The following CSMD1 variants were observed in gnomAD, a reference collection of about 807,000 sequenced individuals.
The protein encoded by CSMD1 is CUB and sushi domain-containing protein 1.
Under a neutral mutation model 417.5 loss-of-function variants are expected in CSMD1, and 213 were observed. The ratio of observed to expected loss-of-function variants is 0.51; its 90% CI spans 0.46 to 0.57. The LOEUF is 0.57. CSMD1 is among the 20% of genes least tolerant of loss of function. CSMD1 has a pLI of 0.00. For missense variants in CSMD1, 6,923 were observed against 4,529.7 expected, an observed-to-expected ratio of 1.53 and a Z score of -15.17; for synonymous variants, 2,862 against 1,736.8, an observed-to-expected ratio of 1.65 and a Z score of -16.11.
At position 4,807,938 on chromosome 8, in the gene CSMD1, A is replaced by G. The variant is rs189501415; in HGVS notation, c.86-170380T>C. On this transcript the variant is annotated intron_variant, in intron 1 of 69. Transcript: ENST00000635120. ...TCTTTCTACTGCTTTTCTAAATTCA[A>G]TAAAGCCCACCCTCAGTAGGAGTTC... is the stretch of plus-strand genomic sequence containing the variant. 2.0e-4 allele frequency among the ~76,000 whole-genome samples: 31 copies of G among 152,328 alleles called. No individual in the cohort carries two copies. In the South Asian group the frequency reaches 5.0e-3, roughly 24 times the overall value.
At chr8:4,174,559 A>C (rs1030438166) in intron 3 of CSMD1, among the ~76,000 whole-genome samples, 2 of 150,708 alleles carry the variant, frequency 1.3e-5, no homozygotes, top group African/African-American at 4.9e-5. Context: ...ATGTTTTTAT[A>C]AATACTGCAT....
intron 2 of CSMD1, among the ~76,000 whole-genome samples, chr8:4,562,372 G>A (rs1375411864): frequency 6.6e-6 from 1 of 152,130 alleles, no homozygotes. Flanking sequence ...GAGCCCAAAA[G>A]ACTGAGGCAT....
At chr8:4,219,540 C>T (rs995048202) in intron 3 of CSMD1, among the ~76,000 whole-genome samples, 20 of 122,226 alleles carry the variant, frequency 1.6e-4, no homozygotes, top group African/African-American at 6.0e-4. Context: ...GTGACTTAAA[C>T]ATTTATGCTT....
intron 3 of CSMD1, among the ~76,000 whole-genome samples, chr8:4,376,584 TTGAG>T (rs1476958387): frequency 6.6e-6 from 1 of 151,872 alleles, no homozygotes; most frequent in Non-Finnish European, 1.5e-5. Flanking sequence ...TGTTACAACA[TTGAG>T]TTAGTCTGAC....
At chr8:4,410,810 G>A (rs779080062) in intron 3 of CSMD1, among the ~76,000 whole-genome samples, 13 of 152,142 alleles carry the variant, frequency 8.5e-5, no homozygotes, top group Admixed American at 2.0e-4. Flanking sequence ...GCAATGGTTT[G>A]AATATGGTTT....
At chr8:4,073,299 A>G (rs995682371) in intron 3 of CSMD1, among the ~76,000 whole-genome samples, 2 of 152,196 alleles carry the variant, frequency 1.3e-5, no homozygotes, top group South Asian at 4.1e-4. Flanking sequence ...GAGTAAAGAA[A>G]TTTAGCTGAA....
chr8:3,158,608 CT>C (rs747800380), intron 38 of CSMD1, among the ~76,000 whole-genome samples: 5 of 151,766 alleles, frequency 3.3e-5, no homozygotes, highest in Non-Finnish European at 5.9e-5. Context: ...CCACTTTCTA[CT>C]TTAAAAAATC....
chr8:3,242,701 T>C (rs888558022), intron 26 of CSMD1, among the ~76,000 whole-genome samples: 8 of 151,538 alleles, frequency 5.3e-5, no homozygotes, highest in African/African-American at 1.9e-4. Context: ...GGGCGGAAGG[T>C]TGCCCATAGT....
intron 1 of CSMD1, among the ~76,000 whole-genome samples, chr8:4,704,819 C>T (rs1440556038): frequency 6.6e-6 from 1 of 152,110 alleles, no homozygotes; most frequent in Non-Finnish European, 1.5e-5. Context: ...CTTGGAAGTG[C>T]TTCCTACTGC....
intron 50 of CSMD1, among the ~76,000 whole-genome samples, chr8:3,038,207 A>G (rs763993505): frequency 1.4e-4 from 22 of 152,226 alleles, no homozygotes; most frequent in Admixed American, 6.5e-5. Context: ...GACCAACACT[A>G]AATTCACCTC....
intron 1 of CSMD1, among the ~76,000 whole-genome samples, chr8:4,725,366 T>C (rs1018404287): frequency 6.6e-6 from 1 of 152,188 alleles, no homozygotes; most frequent in Non-Finnish European, 1.5e-5. Context: ...ATTAATTACA[T>C]AATAGTAATG....
chr8:4,451,323 C>A (rs909787745), intron 2 of CSMD1, among the ~76,000 whole-genome samples: 2 of 152,138 alleles, frequency 1.3e-5, no homozygotes, highest in African/African-American at 4.8e-5. Context: ...CCACTCCAGC[C>A]TGGGCAACAA....
intron 6 of CSMD1, among the ~76,000 whole-genome samples, chr8:3,716,339 AAAG>A (rs1801830957): frequency 6.6e-6 from 1 of 152,214 alleles, no homozygotes; most frequent in South Asian, 2.1e-4. Flanking sequence ...TAGAGGAATA[AAAG>A]AAGGGCTACT....
At chr8:3,400,393 T>C (rs1811965598) in intron 15 of CSMD1, among the ~76,000 whole-genome samples, 1 of 152,148 alleles carries the variant, frequency 6.6e-6, no homozygotes, top group Non-Finnish European at 1.5e-5. Flanking sequence ...AAAATATTTA[T>C]TTTATTTAAA....
At chr8:3,390,054 G>C (rs900813046) in intron 17 of CSMD1, among the ~76,000 whole-genome samples, 1 of 152,060 alleles carries the variant, frequency 6.6e-6, no homozygotes, top group Non-Finnish European at 1.5e-5. Flanking sequence ...AAAATGGTGA[G>C]AAAGAACATC....
At chr8:3,222,130 G>A (rs573042373) in intron 28 of CSMD1, among the ~76,000 whole-genome samples, 1 of 152,064 alleles carries the variant, frequency 6.6e-6, no homozygotes, top group South Asian at 2.1e-4. Context: ...GAGACATTGG[G>A]TCGGCTAATA....
intron 37 of CSMD1, among the ~76,000 whole-genome samples, chr8:3,172,773 C>T (rs1360936627): frequency 6.6e-6 from 1 of 152,190 alleles, no homozygotes; most frequent in Non-Finnish European, 1.5e-5. Context: ...TCCCATGAGG[C>T]ACAAGGGCAG....
intron 3 of CSMD1, among the ~76,000 whole-genome samples, chr8:4,338,024 C>A (rs946203551): frequency 1.3e-5 from 2 of 152,044 alleles, no homozygotes; most frequent in African/African-American, 2.4e-5. Context: ...AGTGGAAATG[C>A]AAAGATTTAT....
chr8:4,740,937 C>G (rs926515639), intron 1 of CSMD1, among the ~76,000 whole-genome samples: 3 of 152,080 alleles, frequency 2.0e-5, no homozygotes, highest in African/African-American at 7.2e-5. Flanking sequence ...ACAAAAAACA[C>G]TTATTAACAT....
Sources: allele counts gnomAD v4.1 joint callset (sites outside exome capture counted in the v4.1 genomes callset), GRCh38; gene constraint gnomAD v4.1.1; transcripts MANE v1.5; gene names NCBI Gene and HGNC (gene_info 2026-07-23, HGNC 2026-07-21).